PRKN: variants seen among roughly 807,000 people sequenced by gnomAD.
PRKN encodes the protein E3 ubiquitin-protein ligase parkin.
Under a neutral mutation model 59.5 loss-of-function variants are expected in PRKN, and 56 were observed. That is an observed-to-expected ratio of 0.94 (90% CI 0.76 to 1.18). PRKN has a LOEUF of 1.18. PRKN is among the 50% of genes most tolerant of loss of function. PRKN has a pLI of 0.00. For missense variants in PRKN, 657 were observed against 596.4 expected, an observed-to-expected ratio of 1.10 and a Z score of -1.06; for synonymous variants, 250 against 222.1, an observed-to-expected ratio of 1.13 and a Z score of -1.12.
In PRKN at chr6:161,771,363, A is replaced by AT. The variant is rs1025933312; in HGVS notation, c.871+14408_871+14409insA. Among the ~76,000 whole-genome samples, 75 of 91,182 alleles carry AT rather than the reference A, an allele frequency of 8.2e-4. 4 individuals carry two copies. Among genetic ancestry groups the AT allele is most frequent in the Admixed American group, 1.7e-3 (17 of 9,836 alleles). The allele number at this position is 91,182 out of a possible 152,430, so 59.8% of individuals were successfully genotyped here. On this transcript the variant is annotated intron_variant, in intron 7 of 11. Coordinates refer to ENST00000366898, the MANE Select transcript of PRKN (RefSeq NM_004562.3). ...AGAACAAGACTCCACCTCAAAAAAA[A>AT]AAAAAAAATAAAATAAAATAAAATA...
At chr6:161,922,435 CT>C (rs1221116752) in intron 6 of PRKN, among the ~76,000 whole-genome samples, 1 of 152,002 alleles carries the variant, frequency 6.6e-6, no homozygotes, top group African/African-American at 2.4e-5. Flanking sequence ...TATTAGTTTA[CT>C]TTTTTCTCTC....
intron 6 of PRKN, among the ~76,000 whole-genome samples, chr6:161,856,361 A>AAAATAAAGAAAT (rs76955526): frequency 1.4e-4 from 21 of 149,464 alleles, no homozygotes; most frequent in South Asian, 4.3e-4. Flanking sequence ...ATGCCATCTC[A>AAAATAAAGAAAT]AAATAAATAA....
At chr6:161,810,350 T>C (rs1344447580) in intron 6 of PRKN, among the ~76,000 whole-genome samples, 2 of 152,240 alleles carry the variant, frequency 1.3e-5, no homozygotes, top group Non-Finnish European at 2.9e-5. Context: ...TTAAGCCACC[T>C]GGTCTGTAGT....
At chr6:161,691,867 C>T (rs1315078749) in intron 7 of PRKN, among the ~76,000 whole-genome samples, 16 of 151,052 alleles carry the variant, frequency 1.1e-4, no homozygotes, top group Admixed American at 9.9e-4. Flanking sequence ...ATCTTAAAGG[C>T]GTCTGGAATA....
intron 1 of PRKN, among the ~76,000 whole-genome samples, chr6:162,450,665 T>C (rs1366584017): frequency 6.6e-6 from 1 of 151,992 alleles, no homozygotes; most frequent in African/African-American, 2.4e-5. Flanking sequence ...CAAAACGCAA[T>C]TGAGGGACGT....
rs1787098852 is a variant in PRKN, at chr6:162,390,280, AATTTC to A, written c.171+53025_171+53029del. Reference sequence around the variant, plus strand: ...AATAATAATAATCAGTTTGTACCTAAATTTCTTTAAAGAAATTTTTAGTTTTTTAA... The same window carrying A: ...AATAATAATAATCAGTTTGTACCTAATTTAAAGAAATTTTTAGTTTTTTAA... On this transcript the variant is annotated intron_variant, in intron 2 of 11. Coordinates refer to ENST00000366898, the MANE Select transcript of PRKN (RefSeq NM_004562.3). 3.3e-5 allele frequency among the ~76,000 whole-genome samples: 5 copies of A among 151,188 alleles called. No individual in the cohort carries two copies. In the South Asian group the frequency reaches 1.0e-3, roughly 32 times the overall value.
intron 1 of PRKN, among the ~76,000 whole-genome samples, chr6:162,626,767 T>G (rs1428880039): frequency 6.7e-6 from 1 of 148,818 alleles, no homozygotes; most frequent in Non-Finnish European, 1.5e-5. Context: ...TGAGCCAAGA[T>G]CATGCCACTG....
intron 3 of PRKN, among the ~76,000 whole-genome samples, chr6:162,216,297 G>A (rs554248007): frequency 5.9e-5 from 9 of 151,714 alleles, no homozygotes; most frequent in African/African-American, 1.9e-4. Context: ...TTGGGAGGCC[G>A]AGGCGGGTGG....
intron 2 of PRKN, among the ~76,000 whole-genome samples, chr6:162,403,724 A>T (rs1787918315): frequency 6.6e-6 from 1 of 152,202 alleles, no homozygotes; most frequent in Non-Finnish European, 1.5e-5. Context: ...ATCAAGTTCC[A>T]AAGCAGCCTC....
At chr6:162,628,352 A>G (rs2128222124) in intron 1 of PRKN, among the ~76,000 whole-genome samples, 1 of 152,216 alleles carries the variant, frequency 6.6e-6, no homozygotes, top group Middle Eastern at 3.4e-3. Flanking sequence ...GACAGAAATA[A>G]CCTCGGAGAT....
At chr6:162,352,780 T>C (rs1784676908) in intron 2 of PRKN, among the ~76,000 whole-genome samples, 1 of 152,218 alleles carries the variant, frequency 6.6e-6, no homozygotes. Context: ...GAGAGTATTA[T>C]AATTCTAGCA....
intron 2 of PRKN, among the ~76,000 whole-genome samples, chr6:162,331,719 C>A (rs1291496098): frequency 5.9e-5 from 9 of 152,126 alleles, no homozygotes; most frequent in Non-Finnish European, 1.3e-4. Context: ...AGGATCTAGA[C>A]CCTGCCTTTT....
At chr6:161,694,756 T>C (rs1418966716) in intron 7 of PRKN, among the ~76,000 whole-genome samples, 1 of 152,184 alleles carries the variant, frequency 6.6e-6, no homozygotes, top group Non-Finnish European at 1.5e-5. Context: ...AGACTCCCTG[T>C]TTGCTAACAT....
intron 6 of PRKN, among the ~76,000 whole-genome samples, chr6:161,904,781 G>A (rs936231360): frequency 6.6e-6 from 1 of 152,104 alleles, no homozygotes; most frequent in African/African-American, 2.4e-5. Context: ...CAAGAAGAGC[G>A]TGTGGCCAGC....
intron 4 of PRKN, among the ~76,000 whole-genome samples, chr6:162,183,486 T>C (rs1240846691): frequency 6.6e-6 from 1 of 152,198 alleles, no homozygotes; most frequent in East Asian, 1.9e-4. Context: ...TAGGTTTCTC[T>C]GTGTAAGAAA....
At chr6:162,465,667 T>C (rs1412462078) in intron 1 of PRKN, among the ~76,000 whole-genome samples, 2 of 152,188 alleles carry the variant, frequency 1.3e-5, no homozygotes, top group African/African-American at 4.8e-5. Context: ...AGTTTAATTA[T>C]AGAAATAATG....
At chr6:162,557,239 T>C (rs971579604) in intron 1 of PRKN, among the ~76,000 whole-genome samples, 3 of 152,248 alleles carry the variant, frequency 2.0e-5, no homozygotes, top group African/African-American at 7.2e-5. Context: ...CCCTGTATTC[T>C]GGCTGGGCCA....
At chr6:162,146,748 G>A (rs749375740) in intron 4 of PRKN, among the ~76,000 whole-genome samples, 15 of 150,978 alleles carry the variant, frequency 9.9e-5, no homozygotes, top group South Asian at 2.1e-4. Context: ...CAGGTGATCC[G>A]CCCACCTTGG....
At chr6:162,714,771 T>C (rs1778661842) in intron 1 of PRKN, among the ~76,000 whole-genome samples, 2 of 152,308 alleles carry the variant, frequency 1.3e-5, no homozygotes, top group South Asian at 4.1e-4. Context: ...AAAAGTGCAT[T>C]TGTTGTAAAG....
Sources: gnomAD v4.1 joint callset for allele counts (sites outside exome capture counted in the v4.1 genomes callset) on GRCh38, gnomAD v4.1.1 for gene constraint, MANE v1.5 for transcripts, NCBI Gene and HGNC (gene_info 2026-07-23, HGNC 2026-07-21) for gene names.